The following SLIT3 variants were observed in gnomAD, a reference collection of about 807,000 sequenced individuals.
SLIT3 encodes slit guidance ligand 3.
Under a neutral mutation model 184.0 loss-of-function variants are expected in SLIT3, and 68 were observed. The observed-to-expected ratio is 0.37, with a 90% CI of 0.30 to 0.45. SLIT3 has a LOEUF of 0.45. SLIT3 is among the 20% of genes least tolerant of loss of function. The probability of loss-of-function intolerance (pLI) is 1.00; values close to 1 mark genes in which losing one functional copy is unlikely to be tolerated. For missense variants in SLIT3, 1,707 were observed against 2,026.0 expected, an observed-to-expected ratio of 0.84 and a Z score of 3.02; for synonymous variants, 831 against 828.6, an observed-to-expected ratio of 1.00 and a Z score of -0.05.
chr5:169,051,570 A>C (rs1200257672), intron 4 of SLIT3, among the ~76,000 whole-genome samples: 1 of 152,196 alleles, frequency 6.6e-6, no homozygotes, highest in East Asian at 1.9e-4. Context: ...AAAAATTAAA[A>C]GGGATCCCAC....
intron 1 of SLIT3, among the ~76,000 whole-genome samples, chr5:169,268,021 T>C (rs905784491): frequency 1.3e-5 from 2 of 152,202 alleles, no homozygotes; most frequent in Non-Finnish European, 2.9e-5. Flanking sequence ...AATATAAACA[T>C]GGACTGCATT....
intron 4 of SLIT3, among the ~76,000 whole-genome samples, chr5:169,080,397 T>G (rs1208857580): frequency 6.6e-6 from 1 of 152,154 alleles, no homozygotes; most frequent in Non-Finnish European, 1.5e-5. Context: ...TAACCCACAG[T>G]AAGGTAATCT....
chr5:169,129,476 C>T (rs757582569), intron 4 of SLIT3, among the ~76,000 whole-genome samples: 2 of 152,038 alleles, frequency 1.3e-5, no homozygotes, highest in Non-Finnish European at 2.9e-5. Context: ...CTCTTGAACC[C>T]GGGAGGCAGA....
intron 3 of SLIT3, among the ~76,000 whole-genome samples, chr5:169,206,429 C>T (rs1764069604): frequency 6.6e-6 from 1 of 152,152 alleles, no homozygotes; most frequent in African/African-American, 2.4e-5. Context: ...CCCTTCGACT[C>T]ACAGGTAGGA....
rs1195088474 is a variant in SLIT3 at position 168,806,477 on chromosome 5, G to A, written c.904C>T (p.Pro302Ser). ...ACGATGCCCTCCGGCAAGTTGGCAG[G>A]AATCTCCATCAAGCCCTTTCCTCGA... ...DCRGKGLMEI[P>S]ANLPEGIVEI... The change falls in exon 9 of 36, where the codon CCT becomes TCT. Residue 302 changes from proline to serine, a missense_variant. Transcript: ENST00000519560. The A allele has an allele frequency of 6.2e-7, 1 of 1,614,212 alleles. No homozygotes were observed. The highest frequency in any genetic ancestry group is 1.1e-5 in the South Asian group (1 of 91,078).
rs1296861043 is a variant in SLIT3 at position 168,711,008 on chromosome 5, G to A, written c.2606C>T (p.Ser869Leu). ...CTTGTACCCCGCCTTCACCCACTCC[G>A]ACAGCCACCGAAGACTGCAGTCACA... ...LHCDCSLRWL[S>L]EWVKAGYKEP... Residue 869 changes from serine to leucine, a missense_variant, in exon 25 of 36, where the codon TCG becomes TTG. Physicochemically the swap from Ser to Leu is moderately radical, Grantham distance 145 (BLOSUM62 -2). This residue lies in a region of SLIT3 where 1,307 missense variants were observed against 1,511.6 expected (regional missense o/e 0.86). Coordinates refer to ENST00000519560, the MANE Select transcript of SLIT3 (RefSeq NM_003062.4). 1.9e-6 allele frequency: 3 copies of A among 1,580,418 alleles called. No homozygotes were observed. Among genetic ancestry groups the A allele is most frequent in the Admixed American group, 1.8e-5 (1 of 56,314 alleles).
intron 4 of SLIT3, among the ~76,000 whole-genome samples, chr5:168,967,506 C>G (rs1299748354): frequency 5.8e-5 from 6 of 104,062 alleles, no homozygotes; most frequent in African/African-American, 1.1e-4. Flanking sequence ...GTGGCGGGAT[C>G]TCGGCTCACT....
intron 4 of SLIT3, among the ~76,000 whole-genome samples, chr5:169,048,507 T>C (rs1417996509): frequency 6.6e-6 from 1 of 152,182 alleles, no homozygotes; most frequent in African/African-American, 2.4e-5. Flanking sequence ...ATAAAGAACA[T>C]GGATTTCCTT....
intron 4 of SLIT3, among the ~76,000 whole-genome samples, chr5:168,911,772 C>G (rs1464219104): frequency 1.3e-5 from 2 of 152,208 alleles, no homozygotes; most frequent in African/African-American, 4.8e-5. Flanking sequence ...TTTAGAGAAA[C>G]CTTTCCCTCA....
Position 168,746,477 on chromosome 5 carries a change from GGTGTGGTGGT to G in SLIT3, c.2270+1815_2270+1824del, listed in dbSNP as rs1426687188. 5.2e-4 allele frequency among the ~76,000 whole-genome samples: 47 copies of G among 90,044 alleles called. 3 individuals are homozygous for G. Among genetic ancestry groups the G allele is most frequent in the East Asian group, 3.6e-3 (8 of 2,196 alleles). 59.1% of individuals were successfully genotyped at this position (90,044 alleles called of 152,430 possible). On this transcript the variant is annotated intron_variant, in intron 20 of 35. Coordinates refer to ENST00000519560, the MANE Select transcript of SLIT3 (RefSeq NM_003062.4). The stretch of plus-strand genomic sequence containing the variant: ...GTGTGTGGTGGTGTGCGGTGGTGTG[GGTGTGGTGGT>G]GTGTGGTGGTGTGTGGTGTGTGAGT...
At chr5:169,234,610 G>T (rs1424368003) in intron 3 of SLIT3, among the ~76,000 whole-genome samples, 2 of 152,114 alleles carry the variant, frequency 1.3e-5, no homozygotes, top group East Asian at 1.9e-4. Context: ...TTTCATCGAG[G>T]TTGGCCAGGC....
intron 20 of SLIT3, among the ~76,000 whole-genome samples, chr5:168,747,099 G>C (rs1239727868): frequency 2.0e-5 from 3 of 151,958 alleles, no homozygotes; most frequent in Admixed American, 2.0e-4. Flanking sequence ...TCCCATACAG[G>C]GCCTTTGCTT....
At chr5:169,124,333 T>TAC (rs1341382462) in intron 4 of SLIT3, among the ~76,000 whole-genome samples, 1 of 152,230 alleles carries the variant, frequency 6.6e-6, no homozygotes, top group Non-Finnish European at 1.5e-5. Flanking sequence ...TAAATACACA[T>TAC]ACACACACAC....
At chr5:168,989,031 TG>T (rs1183463959) in intron 4 of SLIT3, among the ~76,000 whole-genome samples, 1 of 152,214 alleles carries the variant, frequency 6.6e-6, no homozygotes, top group Non-Finnish European at 1.5e-5. Flanking sequence ...GTCTCAACCA[TG>T]GCACTAAATT....
intron 3 of SLIT3, among the ~76,000 whole-genome samples, chr5:169,210,724 A>C (rs764307887): frequency 1.1e-4 from 16 of 152,212 alleles, no homozygotes; most frequent in Non-Finnish European, 2.2e-4. Context: ...GAGGAGAAAC[A>C]GGAGACAAGG....
chr5:168,896,115 T>C (rs1581188689), intron 4 of SLIT3, among the ~76,000 whole-genome samples: 1 of 152,196 alleles, frequency 6.6e-6, no homozygotes, highest in Non-Finnish European at 1.5e-5. Context: ...CATACTTTTC[T>C]TGGTAACTCA....
chr5:169,081,417 T>G (rs2113161774), intron 4 of SLIT3, among the ~76,000 whole-genome samples: 1 of 152,292 alleles, frequency 6.6e-6, no homozygotes, highest in South Asian at 2.1e-4. Flanking sequence ...AGGGTCTCCG[T>G]AAACCTGCCA....
At chr5:168,755,834 A>G (rs1048125462) in intron 16 of SLIT3, among the ~76,000 whole-genome samples, 2 of 152,152 alleles carry the variant, frequency 1.3e-5, no homozygotes, top group Non-Finnish European at 2.9e-5. Context: ...AGAGATCAGA[A>G]CAGCAAGCAG....
intron 4 of SLIT3, among the ~76,000 whole-genome samples, chr5:168,886,951 C>A (rs1431764624): frequency 6.6e-6 from 1 of 152,164 alleles, no homozygotes; most frequent in Non-Finnish European, 1.5e-5. Flanking sequence ...AATATATCCC[C>A]CTTCCAGCCA....
Sources: gnomAD v4.1 joint callset for allele counts (sites outside exome capture counted in the v4.1 genomes callset) on GRCh38, gnomAD v4.1.1 for gene constraint, gnomAD v4.1.1 regional missense constraint, MANE v1.5 for transcripts, NCBI Gene and HGNC (gene_info 2026-07-23, HGNC 2026-07-21) for gene names.